CCDC57: variants seen among roughly 807,000 people sequenced by gnomAD.
The protein encoded by CCDC57 is coiled-coil domain-containing protein 57.
In CCDC57, 118 loss-of-function variants were observed where a neutral mutation model predicts 118.9. That is an observed-to-expected ratio of 0.99 (90% CI 0.86 to 1.16). CCDC57 has a LOEUF of 1.16. CCDC57 is among the 50% of genes most tolerant of loss of function. CCDC57 has a pLI of 0.00. For missense variants in CCDC57, 1,300 were observed against 1,320.7 expected, an observed-to-expected ratio of 0.98 and a Z score of 0.24; for synonymous variants, 527 against 532.9, an observed-to-expected ratio of 0.99 and a Z score of 0.15.
At chr17:82,173,441 A>G (rs1398600231) in intron 11 of CCDC57, among the ~76,000 whole-genome samples, 1 of 152,202 alleles carries the variant, frequency 6.6e-6, no homozygotes, top group African/African-American at 2.4e-5. Flanking sequence ...CAAAGAAGAA[A>G]AAATGAGCAG....
At chr17:82,111,970 CTTTTGTTTTG>C (rs201983605) in intron 19 of CCDC57, 1 of 150,752 alleles carries the variant, frequency 6.6e-6, no homozygotes, top group Non-Finnish European at 1.5e-5. Flanking sequence ...GGTGTTTTTT[CTTTTGTTTTG>C]TTTTGTTTTT....
chr17:82,157,490 G>T (rs547141865), intron 15 of CCDC57: 120 of 1,413,992 alleles, frequency 8.5e-5, no homozygotes, highest in Non-Finnish European at 1.1e-4. Context: ...GGGAGGACTG[G>T]GATGGGCCCG....
At chr17:82,176,459 C>T (rs1036501978) in intron 11 of CCDC57, among the ~76,000 whole-genome samples, 6 of 152,218 alleles carry the variant, frequency 3.9e-5, no homozygotes, top group Non-Finnish European at 7.3e-5. Context: ...GTCACAGCTA[C>T]GCTTGATGCA....
chr17:82,109,852 G>C (rs2035123859), intron 19 of CCDC57, among the ~76,000 whole-genome samples: 1 of 150,724 alleles, frequency 6.6e-6, no homozygotes, highest in African/African-American at 2.4e-5. Flanking sequence ...GTGAGACTCT[G>C]TCTCAAAAAA....
At chr17:82,158,770 C>T (rs548572465) in intron 14 of CCDC57, among the ~76,000 whole-genome samples, 1 of 151,924 alleles carries the variant, frequency 6.6e-6, no homozygotes, top group Non-Finnish European at 1.5e-5. Context: ...GTTGCTTAGG[C>T]TGGTCTCAAA....
In CCDC57 at chr17:82,127,259, T is replaced by C. The variant is rs1032395540; in HGVS notation, c.2899+433A>G. 4.1e-6 allele frequency: 4 copies of C among 985,170 alleles called. No homozygotes were observed. The African/African-American group carries it at 5.2e-5, about 13-fold the overall frequency. The allele number at this position is 985,170 out of a possible 1,614,324, so 61.0% of individuals were successfully genotyped here. ...TGAGCATCACTGGGGTCGGCCTGGCTCTTCCCCGGGAGCATCGCTGGGGTC... is the reference window on the plus strand; with the variant it reads ...TGAGCATCACTGGGGTCGGCCTGGCCCTTCCCCGGGAGCATCGCTGGGGTC... On this transcript the variant is annotated intron_variant, in intron 19 of 19. Coordinates refer to ENST00000665763, the Ensembl canonical transcript of CCDC57.
At chr17:82,141,762 ACCTG>A (rs1452926549) in intron 16 of CCDC57, among the ~76,000 whole-genome samples, 4 of 152,088 alleles carry the variant, frequency 2.6e-5, no homozygotes, top group African/African-American at 7.2e-5. Flanking sequence ...TCCGCACATT[ACCTG>A]TCTGATGCCC....
chr17:82,131,566 C>T (rs1477524582), intron 17 of CCDC57, among the ~76,000 whole-genome samples: 5 of 151,922 alleles, frequency 3.3e-5, no homozygotes, highest in African/African-American at 1.2e-4. Context: ...CACGGTGAAA[C>T]CCTGTCTCTA....
At chr17:82,169,424 C>T (rs1461048979) in intron 13 of CCDC57, among the ~76,000 whole-genome samples, 6 of 152,208 alleles carry the variant, frequency 3.9e-5, no homozygotes, top group African/African-American at 1.4e-4. Context: ...CCACTGCGCC[C>T]GGCAAAAACC....
At chr17:82,190,987 C>A (rs2047604518) in intron 7 of CCDC57, among the ~76,000 whole-genome samples, 1 of 151,832 alleles carries the variant, frequency 6.6e-6, no homozygotes, top group Admixed American at 6.6e-5. Context: ...GCCACGGAAG[C>A]CATCCAGCCC....
intron 19 of CCDC57, chr17:82,107,740 C>T (rs1030858523): frequency 5.2e-6 from 2 of 385,282 alleles, no homozygotes; most frequent in Admixed American, 2.9e-5. Context: ...GACACATTAG[C>T]CCTTGGGCTG....
chr17:82,123,700 A>G (rs1444701849), intron 19 of CCDC57, among the ~76,000 whole-genome samples: 1 of 152,208 alleles, frequency 6.6e-6, no homozygotes, highest in Non-Finnish European at 1.5e-5. Flanking sequence ...AAAATATTAG[A>G]AATCAGTAAC....
chr17:82,104,909 A>G (rs866850257), intron 19 of CCDC57: 2 of 152,188 alleles, frequency 1.3e-5, no homozygotes, highest in South Asian at 4.1e-4. Context: ...TGCGGCCCTC[A>G]CTCCCGTCTC....
At chr17:82,196,039 G>A (rs2048259478) in intron 4 of CCDC57, among the ~76,000 whole-genome samples, 1 of 152,210 alleles carries the variant, frequency 6.6e-6, no homozygotes, top group Non-Finnish European at 1.5e-5. Flanking sequence ...GAAATTCGGC[G>A]TGGACAGCCT....
chr17:82,189,309 A>AAAT (rs2047365321), intron 7 of CCDC57, among the ~76,000 whole-genome samples: 1 of 151,924 alleles, frequency 6.6e-6, no homozygotes, highest in African/African-American at 2.4e-5. Flanking sequence ...TAAATAAAAA[A>AAAT]TTTAAAAAGA....
exon 13 of CCDC57, chr17:82,171,839 G>T (rs1160329226): frequency 1.2e-6 from 2 of 1,612,994 alleles, no homozygotes; most frequent in Middle Eastern, 3.3e-4. Flanking sequence ...TCTGCTTCAA[G>T]GGCCAGAACA....
intron 1 of CCDC57, among the ~76,000 whole-genome samples, chr17:82,210,734 C>T (rs1191549377): frequency 6.7e-6 from 1 of 149,806 alleles, no homozygotes; most frequent in Non-Finnish European, 1.5e-5. Flanking sequence ...GTGGCTCACA[C>T]CTGTAATCCT....
chr17:82,163,211 G>A lies in CCDC57; in HGVS notation c.2029C>T (p.Leu677Phe), dbSNP rs1031285751. The change falls in exon 14 of 20, where the codon CTC becomes TTC. Residue 677 changes from leucine to phenylalanine, a missense_variant. By Grantham distance (22) the Leu-to-Phe change is conservative (BLOSUM62 0). Transcript: ENST00000665763. Reference sequence around the variant, plus strand: ...CTTGACTGCCTCACCTTCTGTCTGAGTCGTGTCACCAGCAGGTTTAGGAGC... The same window carrying A: ...CTTGACTGCCTCACCTTCTGTCTGAATCGTGTCACCAGCAGGTTTAGGAGC... 5 of 1,613,798 alleles carry A rather than the reference G, an allele frequency of 3.1e-6. No homozygotes were observed. The African/African-American group carries it at 5.3e-5, about 17-fold the overall frequency.
chr17:82,127,974 C>G (rs779173860), intron 18 of CCDC57, 66 bp from the exon 18 acceptor site: 21 of 1,575,952 alleles, frequency 1.3e-5, no homozygotes, highest in Non-Finnish European at 1.8e-5. Context: ...AGGACTCCCC[C>G]CAACCACTCC....
Sources: allele counts gnomAD v4.1 joint callset (sites outside exome capture counted in the v4.1 genomes callset), GRCh38; gene constraint gnomAD v4.1.1; transcripts MANE v1.5; gene names NCBI Gene and HGNC (gene_info 2026-07-23, HGNC 2026-07-21).